The following LIMA1 variants were observed in gnomAD, a reference collection of about 807,000 sequenced individuals.
The protein encoded by LIMA1 is LIM domain and actin-binding protein 1.
A neutral mutation model predicts 62.6 loss-of-function variants in LIMA1; 52 were observed. The ratio of observed to expected loss-of-function variants is 0.83; its 90% CI spans 0.67 to 1.05. The LOEUF is 1.05. LIMA1 is among the 50% of genes least tolerant of loss of function. The pLI, the probability that LIMA1 is intolerant of heterozygous loss-of-function variation, is 0.00. For synonymous variants in LIMA1, 302 were observed against 317.8 expected (o/e 0.95, Z 0.53); for missense variants, 780 against 902.2 (o/e 0.86, Z 1.74).
At chr12:50,276,009 T>G (rs1262136674) in intron 1 of LIMA1, among the ~76,000 whole-genome samples, 1 of 152,160 alleles carries the variant, frequency 6.6e-6, no homozygotes, top group Non-Finnish European at 1.5e-5. Flanking sequence ...AGACTCTACC[T>G]TTTTAACCAC....
intron 2 of LIMA1, among the ~76,000 whole-genome samples, chr12:50,245,306 G>A (rs936666779): frequency 1.3e-5 from 2 of 151,928 alleles, no homozygotes; most frequent in African/African-American, 2.4e-5. Context: ...CCAGCTACTT[G>A]GGAGGCTGAG....
intron 6 of LIMA1, among the ~76,000 whole-genome samples, chr12:50,202,990 C>A (rs2138477922): frequency 6.7e-6 from 1 of 148,538 alleles, no homozygotes; most frequent in Middle Eastern, 3.5e-3. Context: ...GAATAAATGG[C>A]ATTTGAAAGG....
chr12:50,273,077 A>C (rs1477349970), intron 1 of LIMA1, among the ~76,000 whole-genome samples: 1 of 151,262 alleles, frequency 6.6e-6, no homozygotes, highest in African/African-American at 2.4e-5. Flanking sequence ...ATTGGTTATA[A>C]ACATTTTTTT....
At chr12:50,233,834 T>C in intron 2 of LIMA1, among the ~76,000 whole-genome samples, 1 of 152,226 alleles carries the variant, frequency 6.6e-6, no homozygotes, top group East Asian at 1.9e-4. Context: ...TATTATTATA[T>C]GTTTTAAATG....
rs114813173 is a variant in LIMA1, at chr12:50,263,453, C to T, written c.-23-14679G>A. On this transcript the variant is annotated intron_variant, in intron 1 of 10. Transcript: ENST00000341247. ...TAGTGAGTTGTAAAAGCAACTTGAG[C>T]GATCAGAAGCAACATGTTTGTTTTG... Among the ~76,000 whole-genome samples, 94 of 152,036 alleles carry T rather than the reference C, an allele frequency of 6.2e-4. 1 individual carries two copies. The highest frequency in any genetic ancestry group is 2.0e-3 in the African/African-American group (81 of 41,458).
At chr12:50,189,211 T>C (rs1378595780) in intron 9 of LIMA1, 1 of 152,238 alleles carries the variant, frequency 6.6e-6, no homozygotes, top group Non-Finnish European at 1.5e-5. Context: ...TCTGCCTCCT[T>C]TAAAATTTTC....
chr12:50,281,148 A>T (rs1006456509), intron 1 of LIMA1, among the ~76,000 whole-genome samples: 40 of 152,064 alleles, frequency 2.6e-4, no homozygotes, highest in African/African-American at 7.5e-4. Context: ...CACTCTCAAT[A>T]TTCTTTTGTG....
At chr12:50,186,779 CTCTT>C (rs1324119914) in intron 9 of LIMA1, 1 of 152,290 alleles carries the variant, frequency 6.6e-6, no homozygotes, top group Non-Finnish European at 1.5e-5. Flanking sequence ...ATTTGTCAGC[CTCTT>C]TCTTTGGCTT....
At chr12:50,260,182 T>C (rs1167786031) in intron 1 of LIMA1, among the ~76,000 whole-genome samples, 1 of 151,552 alleles carries the variant, frequency 6.6e-6, no homozygotes, top group African/African-American at 2.4e-5. Context: ...AGTTTCACTC[T>C]TGTTGCCCAT....
chr12:50,250,115 A>G (rs950311060), intron 1 of LIMA1, among the ~76,000 whole-genome samples: 8 of 151,924 alleles, frequency 5.3e-5, no homozygotes, highest in Non-Finnish European at 7.4e-5. Flanking sequence ...CCTGACCAAC[A>G]TGGTGAAATC....
intron 1 of LIMA1, among the ~76,000 whole-genome samples, chr12:50,279,301 G>A (rs113169125): frequency 1.5e-4 from 22 of 149,504 alleles, no homozygotes; most frequent in African/African-American, 2.2e-4. Context: ...CATCACACCC[G>A]GCCTGTTTTT....
rs925334124 is a variant in LIMA1 at position 50,183,575 on chromosome 12, G to A, written c.1141-1538C>T. On this transcript the variant is annotated intron_variant, in intron 9 of 10. Transcript: ENST00000341247. ...ACGCCCATAATCCCACACTTTGGGA[G>A]GTTGAGGTAGGCAGATCACGAGGTC... is the stretch of plus-strand genomic sequence containing the variant. 5.3e-5 allele frequency among the ~76,000 whole-genome samples: 8 copies of A among 152,082 alleles called. No homozygotes were observed. In the East Asian group the frequency reaches 1.5e-3, roughly 29 times the overall value.
chr12:50,211,371 T>G (rs773105824), intron 4 of LIMA1, among the ~76,000 whole-genome samples: 11 of 120,770 alleles, frequency 9.1e-5, no homozygotes, highest in Admixed American at 1.9e-4. Flanking sequence ...AGGCTGGGCG[T>G]GGTAGCTCAC....
chr12:50,240,674 G>A (rs1044271661), intron 2 of LIMA1, among the ~76,000 whole-genome samples: 14 of 152,122 alleles, frequency 9.2e-5, no homozygotes, highest in Non-Finnish European at 1.9e-4. Context: ...TGCTAGCCAT[G>A]TTAACTAAAA....
In LIMA1 at chr12:50,280,144, A is replaced by ATTTTTTTTTTTTTTTTTTTTTTTT. The variant is rs71441354; in HGVS notation, c.-24+3252_-24+3275dup. ...AAGTTCTTAGTTTCAGGGTAGTAGT[A>ATTTTTTTTTTTTTTTTTTTTTTTT]TTTTTTTTTTTTTTTTTTTTTTTTT... On this transcript the variant is annotated intron_variant, in intron 1 of 10. Coordinates refer to ENST00000341247, the MANE Select transcript of LIMA1 (RefSeq NM_016357.5). 1.8e-4 allele frequency among the ~76,000 whole-genome samples: 12 copies of ATTTTTTTTTTTTTTTTTTTTTTTT among 68,310 alleles called. 4 individuals are homozygous for ATTTTTTTTTTTTTTTTTTTTTTTT. Among genetic ancestry groups the ATTTTTTTTTTTTTTTTTTTTTTTT allele is most frequent in the African/African-American group, 7.2e-4 (12 of 16,604 alleles). The allele number at this position is 68,310 out of a possible 152,430, so 44.8% of individuals were successfully genotyped here. A position where few individuals can be genotyped will look rare whatever the true frequency, so the allele number is the denominator to read the frequency against.
intron 4 of LIMA1, among the ~76,000 whole-genome samples, chr12:50,214,051 C>CACACACACAT (rs55904917): frequency 5.3e-5 from 8 of 149,976 alleles, no homozygotes; most frequent in South Asian, 2.1e-4. Flanking sequence ...CACACACACA[C>CACACACACAT]GAGATTACTC....
chr12:50,263,672 G>A (rs373324497), intron 1 of LIMA1, among the ~76,000 whole-genome samples: 26 of 151,468 alleles, frequency 1.7e-4, no homozygotes, highest in African/African-American at 5.8e-4. Flanking sequence ...AACTGGAACC[G>A]TTATACACTG....
chr12:50,241,346 T>C (rs1052974486), intron 2 of LIMA1, among the ~76,000 whole-genome samples: 1 of 152,154 alleles, frequency 6.6e-6, no homozygotes, highest in African/African-American at 2.4e-5. Flanking sequence ...TAATACAATA[T>C]ATGAAAACTA....
In LIMA1 at chr12:50,176,364, C is replaced by T. The variant is rs150238660; in HGVS notation, c.*700G>A. The T allele has an allele frequency of 8.5e-5, 13 of 152,296 alleles. No individual in the cohort carries two copies. The highest frequency in any genetic ancestry group is 3.1e-4 in the African/African-American group (13 of 41,574). The allele number at this position is 152,296 out of a possible 1,614,324, so 9.4% of individuals were successfully genotyped here. A position where few individuals can be genotyped will look rare whatever the true frequency, so the allele number is the denominator to read the frequency against. On this transcript the variant is annotated 3_prime_UTR_variant, in exon 11 of 11. Transcript: ENST00000341247. The stretch of plus-strand genomic sequence containing the variant: ...AGTACAGTAAATTCACTGGCAGATA[C>T]AAAAGCTTATTTGGGAGACAGCAGA...
Sources: allele counts gnomAD v4.1 joint callset (sites outside exome capture counted in the v4.1 genomes callset), GRCh38; gene constraint gnomAD v4.1.1; transcripts MANE v1.5; gene names NCBI Gene and HGNC (gene_info 2026-07-23, HGNC 2026-07-21).